Variants in PRKAR1B observed in about 807,000 individuals in gnomAD.
PRKAR1B encodes cAMP-dependent protein kinase type I-beta regulatory subunit.
Under a neutral mutation model 46.5 loss-of-function variants are expected in PRKAR1B, and 22 were observed. That is an observed-to-expected ratio of 0.47 (90% CI 0.34 to 0.68). PRKAR1B has a LOEUF of 0.68. Among genes scored for constraint, PRKAR1B ranks in the 30% least tolerant of loss-of-function variants. The pLI is 0.01. For synonymous variants in PRKAR1B, 259 were observed against 217.7 expected (o/e 1.19, Z -1.67); for missense variants, 445 against 535.6 (o/e 0.83, Z 1.67).
At chr7:571,701 G>T (rs777703421) in intron 9 of PRKAR1B, among the ~76,000 whole-genome samples, 1 of 152,156 alleles carries the variant, frequency 6.6e-6, no homozygotes, top group Non-Finnish European at 1.5e-5. Flanking sequence ...GGAGGTCTCC[G>T]GGAGGGGAAC....
At chr7:579,196 G>C (rs943765696) in intron 9 of PRKAR1B, 60 bp downstream of exon 9, 138 of 1,612,082 alleles carry the variant, frequency 8.6e-5, no homozygotes, top group Non-Finnish European at 1.1e-4. Flanking sequence ...AGAGGAGAAG[G>C]TAAGAAGTGC....
intron 4 of PRKAR1B, among the ~76,000 whole-genome samples, chr7:617,774 A>G (rs893781885): frequency 1.3e-5 from 2 of 152,216 alleles, no homozygotes; most frequent in Admixed American, 1.3e-4. Flanking sequence ...CCCCTCCCGG[A>G]GCAGAGCCCA....
At chr7:579,418 GC>G (rs1246475794) in intron 8 of PRKAR1B, 41 bp from the exon 9 acceptor site, 6 of 1,606,564 alleles carry the variant, frequency 3.7e-6, no homozygotes, top group South Asian at 1.1e-5. Context: ...CGGGGCCCAC[GC>G]CCCCACAGCC....
chr7:659,960 C>G (rs187372862), intron 4 of PRKAR1B, among the ~76,000 whole-genome samples: 1 of 151,788 alleles, frequency 6.6e-6, no homozygotes, highest in Non-Finnish European at 1.5e-5. Flanking sequence ...GTAGATCTCC[C>G]CAGTGAGCAG....
intron 7 of PRKAR1B, among the ~76,000 whole-genome samples, chr7:595,441 G>C (rs889591078): frequency 6.6e-6 from 1 of 152,208 alleles, no homozygotes; most frequent in Non-Finnish European, 1.5e-5. Flanking sequence ...CAAGACTCCA[G>C]CTGCCCTGCC....
intron 4 of PRKAR1B, among the ~76,000 whole-genome samples, chr7:648,745 G>T (rs779694928): frequency 1.3e-5 from 2 of 152,182 alleles, no homozygotes; most frequent in Non-Finnish European, 2.9e-5. Flanking sequence ...CTGCACCATT[G>T]CACTCCAGCC....
intron 6 of PRKAR1B, among the ~76,000 whole-genome samples, chr7:604,590 C>T (rs147913891): frequency 0.031 from 4,779 of 152,312 alleles, 229 homozygotes; most frequent in African/African-American, 0.11. Context: ...CACGGGGAGG[C>T]GGGACCCCTG....
chr7:708,643 C>A (rs1301925784), intron 2 of PRKAR1B, among the ~76,000 whole-genome samples: 1 of 152,040 alleles, frequency 6.6e-6, no homozygotes, highest in Non-Finnish European at 1.5e-5. Flanking sequence ...CATGCCACCA[C>A]GCCCAGTTAA....
intron 8 of PRKAR1B, among the ~76,000 whole-genome samples, chr7:581,515 A>G (rs1424561439): frequency 6.6e-6 from 1 of 152,216 alleles, no homozygotes; most frequent in Non-Finnish European, 1.5e-5. Flanking sequence ...TTTCCTTACA[A>G]GGACAGTAAT....
chr7:685,486 A>G (rs1779047901), intron 2 of PRKAR1B, among the ~76,000 whole-genome samples: 1 of 148,834 alleles, frequency 6.7e-6, no homozygotes, highest in Admixed American at 6.8e-5. Flanking sequence ...GAAACTTGTC[A>G]GAAATAAAAG....
chr7:612,899 C>T (rs538200861), intron 4 of PRKAR1B, among the ~76,000 whole-genome samples: 7 of 151,220 alleles, frequency 4.6e-5, no homozygotes, highest in Admixed American at 3.3e-4. Context: ...CTGTCAGCAA[C>T]AGAGGCTTTA....
chr7:702,587 GC>G (rs1452218612), intron 2 of PRKAR1B, among the ~76,000 whole-genome samples: 1 of 152,170 alleles, frequency 6.6e-6, no homozygotes, highest in Admixed American at 6.5e-5. Context: ...ACTTTGGGAG[GC>G]CGAGGCAGGC....
chr7:707,333 C>T (rs1300625890), intron 2 of PRKAR1B, among the ~76,000 whole-genome samples: 3 of 152,162 alleles, frequency 2.0e-5, no homozygotes, highest in Admixed American at 6.6e-5. Context: ...TTTTGGCGGA[C>T]GCCCCTCAGA....
intron 2 of PRKAR1B, among the ~76,000 whole-genome samples, chr7:682,607 T>C (rs1397020947): frequency 1.3e-5 from 2 of 151,994 alleles, no homozygotes; most frequent in Non-Finnish European, 2.9e-5. Context: ...TAGCTGGGTG[T>C]GGTGGCAGGC....
intron 7 of PRKAR1B, among the ~76,000 whole-genome samples, chr7:591,143 G>A (rs78511725): frequency 4.6e-5 from 7 of 152,240 alleles, no homozygotes; most frequent in South Asian, 2.1e-4. Flanking sequence ...CTCTCGCGGC[G>A]GGGTGACAGC....
chr7:555,369 C>T (rs900103221), intron 9 of PRKAR1B, among the ~76,000 whole-genome samples: 5 of 152,162 alleles, frequency 3.3e-5, no homozygotes, highest in African/African-American at 7.2e-5. Flanking sequence ...TGGCCGTGCT[C>T]GGTGGTCTCT....
intron 7 of PRKAR1B, among the ~76,000 whole-genome samples, chr7:592,909 G>A (rs895349000): frequency 1.3e-5 from 2 of 152,086 alleles, no homozygotes; most frequent in African/African-American, 2.4e-5. Flanking sequence ...GGTAGCACAC[G>A]CCTGTAGTCC....
Position 608,940 on chromosome 7 carries a change from C to T in PRKAR1B, c.441-1488G>A, listed in dbSNP as rs1307135956. On this transcript the variant is annotated intron_variant, in intron 4 of 10. Coordinates refer to ENST00000537384, the MANE Select transcript of PRKAR1B (RefSeq NM_001164760.2). ...GGGGAGGGGTCAGTGTGTGGCAGGG[C>T]TGTAGGGAGGGCCGGGGGGCCTCCA... Among the ~76,000 whole-genome samples, 77 of 29,440 alleles carry T rather than the reference C, an allele frequency of 2.6e-3. 3 individuals carry two copies. The highest frequency in any genetic ancestry group is 0.01 in the African/African-American group (72 of 7,010). 19.3% of individuals were successfully genotyped at this position (29,440 alleles called of 152,430 possible).
At chr7:664,855 A>G (rs925132113) in intron 4 of PRKAR1B, among the ~76,000 whole-genome samples, 15 of 152,172 alleles carry the variant, frequency 9.9e-5, no homozygotes, top group Admixed American at 5.2e-4. Context: ...TCGAGGCTGC[A>G]GTGAGCCAAG....
Sources: gnomAD v4.1 joint callset for allele counts (sites outside exome capture counted in the v4.1 genomes callset) on GRCh38, gnomAD v4.1.1 for gene constraint, MANE v1.5 for transcripts, NCBI Gene and HGNC (gene_info 2026-07-23, HGNC 2026-07-21) for gene names.